Variants in IQSEC2 observed in about 807,000 individuals in gnomAD.
IQSEC2 encodes the protein IQ motif and Sec7 domain ArfGEF 2, also known as IQ motif and SEC7 domain-containing protein 2.
A neutral mutation model predicts 74.6 loss-of-function variants in IQSEC2; 6 were observed. That is an observed-to-expected ratio of 0.08 (90% confidence interval 0.04 to 0.16). IQSEC2 has a LOEUF of 0.16. Among genes scored for constraint, IQSEC2 ranks in the 10% least tolerant of loss-of-function variants. The pLI, the probability that IQSEC2 is intolerant of heterozygous loss-of-function variation, is 1.00. For missense variants in IQSEC2, 734 were observed against 1,306.2 expected (o/e 0.56, Z 6.75); for synonymous variants, 494 against 544.5 (o/e 0.91, Z 1.29).
At chrX:53,266,666 C>T (rs1484483150) in intron 2 of IQSEC2, 5 of 850,258 alleles carry the variant, frequency 5.9e-6, no homozygotes, top group East Asian at 8.6e-5. Flanking sequence ...AGTGGGAGTG[C>T]GGGTACGGGA....
Position 53,254,795 on chromosome X carries a change from A to G in IQSEC2, c.1136T>C (p.Met379Thr). 1 of 1,204,214 alleles carries G rather than the reference A, an allele frequency of 8.3e-7. No homozygotes were observed. The highest frequency in any genetic ancestry group is 1.1e-6 in the Non-Finnish European group (1 of 891,470). Reference protein sequence around the residue: ...RLRSSASESRMSRRIILSNMR... With the variant: ...RLRSSASESRTSRRIILSNMR... ...GTTGGAAAGGATGATGCGGCGGGAC[A>G]TGCGGCTCTCTGAGGCTGAGCTGCG... Residue 379 changes from methionine (M) to threonine (T), a missense_variant, in exon 4 of 15, where the codon ATG (methionine) becomes ACG (threonine). Physicochemically the swap from Met to Thr is moderately conservative, Grantham distance 81 (BLOSUM62 -1). Coordinates refer to ENST00000642864, the MANE Select transcript of IQSEC2 (RefSeq NM_001111125.3).
At chrX:53,228,038 A>G (rs1411900009), downstream of IQSEC2, among the ~76,000 whole-genome samples, 1 of 111,829 alleles carries the variant, frequency 8.9e-6, no homozygotes, top group Non-Finnish European at 1.9e-5. Context: ...ACATGCACCC[A>G]CTGAGATCTG....
At chrX:53,297,152 C>CCAT (rs1367876014) in intron 1 of IQSEC2, among the ~76,000 whole-genome samples, 1 of 110,436 alleles carries the variant, frequency 9.1e-6, no homozygotes, top group African/African-American at 3.3e-5. Flanking sequence ...CAGGCATGTA[C>CCAT]CATCATGCCT....
intron 1 of IQSEC2, among the ~76,000 whole-genome samples, chrX:53,308,159 A>G (rs1459119001): frequency 9.6e-5 from 4 of 41,623 alleles, no homozygotes; most frequent in South Asian, 2.0e-3. Flanking sequence ...GCGAGACTCC[A>G]TCTCAAAAAA....
intron 2 of IQSEC2, among the ~76,000 whole-genome samples, chrX:53,284,363 C>G (rs144641694): frequency 4.6e-4 from 50 of 109,810 alleles, no homozygotes; most frequent in African/African-American, 1.5e-3. Context: ...GCCTTCCCCC[C>G]ACCTTCAACC....
chrX:53,245,782 C>CAT (rs2074295884), intron 8 of IQSEC2, among the ~76,000 whole-genome samples: 1 of 110,013 alleles, frequency 9.1e-6, no homozygotes, highest in Non-Finnish European at 1.9e-5. Context: ...TCAAGGCCCT[C>CAT]ATATATTGGT....
At chrX:53,281,107 G>C (rs1439163979) in intron 2 of IQSEC2, among the ~76,000 whole-genome samples, 2 of 112,763 alleles carry the variant, frequency 1.8e-5, no homozygotes, top group African/African-American at 6.4e-5. Context: ...TCCAGCCCAA[G>C]TCCTTGACTC....
chrX:53,285,224 T>C (rs2075014291), intron 2 of IQSEC2, among the ~76,000 whole-genome samples: 1 of 111,666 alleles, frequency 9.0e-6, no homozygotes, highest in East Asian at 2.8e-4. Context: ...TATATTTCCG[T>C]GGTGCTCCCA....
At chrX:53,274,604 C>T (rs940204354) in intron 2 of IQSEC2, among the ~76,000 whole-genome samples, 3 of 106,859 alleles carry the variant, frequency 2.8e-5, no homozygotes, top group South Asian at 4.3e-4. Context: ...TGGGACTACA[C>T]GCGCCCGCCA....
At chrX:53,273,326 C>T (rs1203309785) in intron 2 of IQSEC2, among the ~76,000 whole-genome samples, 1 of 110,827 alleles carries the variant, frequency 9.0e-6, no homozygotes, top group Non-Finnish European at 1.9e-5. Flanking sequence ...CCAAATCACA[C>T]TACGGTGTCA....
chrX:53,253,908 A>G (rs73492143), intron 4 of IQSEC2, among the ~76,000 whole-genome samples: 15,281 of 111,652 alleles, frequency 0.14, 1,228 homozygotes, highest in African/African-American at 0.3. Context: ...GTTAAGCTTT[A>G]TTTTATAGTA....
chrX:53,303,414 G>A (rs946786925), intron 1 of IQSEC2, among the ~76,000 whole-genome samples: 4 of 111,303 alleles, frequency 3.6e-5, no homozygotes, highest in Non-Finnish European at 5.7e-5. Flanking sequence ...GTGGCGTGAA[G>A]ACCTACTTGT....
intron 8 of IQSEC2, among the ~76,000 whole-genome samples, chrX:53,245,621 C>CT (rs1453773867): frequency 9.0e-6 from 1 of 110,662 alleles, no homozygotes; most frequent in Non-Finnish European, 1.9e-5. Context: ...GTTCAGTTTG[C>CT]TTTTTTTCTT....
In IQSEC2 at chrX:53,244,525, CAA is replaced by C. The variant is rs1190920344; in HGVS notation, c.2750-1056_2750-1055del. Among the ~76,000 whole-genome samples the C allele has an allele frequency of 2.1e-4, 10 of 47,757 alleles. 1 individual carries two copies. The highest frequency in any genetic ancestry group is 2.5e-3 in the South Asian group (2 of 814). The allele number at this position is 47,757 out of a possible 115,157, so 41.5% of individuals were successfully genotyped here. ...TAGGCAACAGAGCAAGACCCTGTCT[CAA>C]AAAAAAAAAAAAAAAACTCACTAAG... On this transcript the variant is annotated intron_variant, in intron 8 of 14. Transcript: ENST00000642864.
intron 1 of IQSEC2, among the ~76,000 whole-genome samples, chrX:53,307,124 GC>G (rs1395699222): frequency 2.7e-5 from 3 of 109,465 alleles, no homozygotes; most frequent in Non-Finnish European, 5.7e-5. Flanking sequence ...GCATGTTGGT[GC>G]CCCCAAAATA....
chrX:53,294,346 C>G (rs1299141597), intron 1 of IQSEC2, among the ~76,000 whole-genome samples: 14 of 112,088 alleles, frequency 1.2e-4, no homozygotes, highest in Non-Finnish European at 2.4e-4. Flanking sequence ...GGGGGTGCAG[C>G]TCACCCCAGG....
At chrX:53,266,352 A>C in intron 2 of IQSEC2, 1 of 752,165 alleles carries the variant, frequency 1.3e-6, no homozygotes, top group Non-Finnish European at 1.6e-6. Flanking sequence ...TTATTGATGG[A>C]AATTCCTTTG....
chrX:53,236,216 G>A (rs1229812536), intron 13 of IQSEC2, 106 bp downstream of exon 13: 31 of 884,474 alleles, frequency 3.5e-5, no homozygotes, highest in African/African-American at 3.4e-4. Context: ...GGCAGGGTGC[G>A]TGCATGTGTG....
chrX:53,245,716 G>C (rs2074294879), intron 8 of IQSEC2, among the ~76,000 whole-genome samples: 1 of 110,543 alleles, frequency 9.0e-6, no homozygotes, highest in Admixed American at 9.7e-5. Flanking sequence ...TGATAGGCAG[G>C]GCTCGACATC....
Sources: allele counts gnomAD v4.1 joint callset (sites outside exome capture counted in the v4.1 genomes callset), GRCh38; gene constraint gnomAD v4.1.1; transcripts MANE v1.5; gene names NCBI Gene and HGNC (gene_info 2026-07-23, HGNC 2026-07-21).